RALGAPA1: variants seen among roughly 807,000 people sequenced by gnomAD.
RALGAPA1 encodes Ral GTPase activating protein catalytic subunit alpha 1.
Under a neutral mutation model 269.6 loss-of-function variants are expected in RALGAPA1, and 52 were observed. The ratio of observed to expected loss-of-function variants is 0.19; its 90% CI spans 0.15 to 0.24. The LOEUF is 0.24. Ranked by LOEUF, RALGAPA1 falls within the 10% of genes least tolerant of loss-of-function variation. The probability of loss-of-function intolerance (pLI) is 1.00; values close to 1 mark genes in which losing one functional copy is unlikely to be tolerated. For synonymous variants in RALGAPA1, 817 were observed against 1,008.3 expected, an observed-to-expected ratio of 0.81 and a Z score of 3.60; for missense variants, 1,917 against 3,013.9, an observed-to-expected ratio of 0.64 and a Z score of 8.52.
intron 9 of RALGAPA1, among the ~76,000 whole-genome samples, chr14:35,749,651 G>C (rs932537393): frequency 1.3e-5 from 2 of 152,078 alleles, no homozygotes; most frequent in Admixed American, 1.3e-4. Context: ...AGTTCTGCTT[G>C]AGAATTTTCG....
intron 16 of RALGAPA1, among the ~76,000 whole-genome samples, chr14:35,700,505 AT>A (rs1042764082): frequency 1.3e-5 from 2 of 152,142 alleles, no homozygotes; most frequent in Non-Finnish European, 2.9e-5. Context: ...TTTGAATATA[AT>A]TTTTTTATAT....
chr14:35,605,596 A>T lies in RALGAPA1; in HGVS notation c.7043T>A (p.Leu2348His). 6.2e-7 allele frequency: 1 copy of T among 1,601,396 alleles called. No individual in the cohort carries two copies. Among genetic ancestry groups the T allele is most frequent in the Non-Finnish European group, 8.5e-7 (1 of 1,176,368 alleles). Residue 2348 changes from leucine to histidine, a missense_variant, in exon 36 of 42, where the codon CTT becomes CAT. Physicochemically the swap from Leu to His is moderately conservative, Grantham distance 99. Coordinates refer to ENST00000680220, the MANE Select transcript of RALGAPA1 (RefSeq NM_001346249.2). ...SQAYEDFVAG[L>H]GWEVNLTNHC... ...ATTTAAAAATAATACCTCCCAACCA[A>T]GACCAGCTACAAAATCTTCATATGC...
intron 12 of RALGAPA1, among the ~76,000 whole-genome samples, chr14:35,734,999 G>A (rs1276986049): frequency 1.3e-5 from 2 of 150,160 alleles, no homozygotes; most frequent in South Asian, 2.1e-4. Flanking sequence ...ACCACAATGC[G>A]ATACCATCTG....
At chr14:35,590,053 T>C (rs1008448586) in intron 37 of RALGAPA1, among the ~76,000 whole-genome samples, 4 of 152,220 alleles carry the variant, frequency 2.6e-5, no homozygotes, top group African/African-American at 4.8e-5. Flanking sequence ...TTTATTTTCA[T>C]AGAGATTTAA....
At chr14:35,726,384 A>G (rs1307880779) in intron 13 of RALGAPA1, among the ~76,000 whole-genome samples, 1 of 152,246 alleles carries the variant, frequency 6.6e-6, no homozygotes, top group East Asian at 1.9e-4. Context: ...GCAATAAAGC[A>G]TAGATTTTCC....
chr14:35,794,537 A>C (rs1336973246), intron 1 of RALGAPA1, among the ~76,000 whole-genome samples: 1 of 152,016 alleles, frequency 6.6e-6, no homozygotes, highest in East Asian at 1.9e-4. Context: ...GCTCACTGCA[A>C]GCTCCGCCTC....
chr14:35,564,528 T>C (rs1199953900), intron 39 of RALGAPA1: 5 of 152,180 alleles, frequency 3.3e-5, no homozygotes, highest in South Asian at 2.1e-4. Flanking sequence ...CTGTAACTAA[T>C]TGAAGAATAA....
chr14:35,761,504 TAAAATGATTTAATTTAAATA>T lies in RALGAPA1; in HGVS notation c.370-518_370-499del, dbSNP rs552647941. Reference sequence around the variant, plus strand: ...TAAGTTACAATTAAATTATTAAAAATAAAATGATTTAATTTAAATAAAAATTATTTAAAACCTCTCTGCAA... The same window carrying T: ...TAAGTTACAATTAAATTATTAAAAATAAAATTATTTAAAACCTCTCTGCAA... On this transcript the variant is annotated intron_variant, in intron 5 of 41. Transcript: ENST00000680220. Among the ~76,000 whole-genome samples the T allele has an allele frequency of 4.2e-3, 640 of 152,206 alleles. 6 individuals are homozygous for T. Among genetic ancestry groups the T allele is most frequent in the Middle Eastern group, 0.031 (9 of 294 alleles).
intron 39 of RALGAPA1, among the ~76,000 whole-genome samples, chr14:35,564,206 T>C (rs1175104109): frequency 6.6e-6 from 1 of 152,208 alleles, no homozygotes; most frequent in Non-Finnish European, 1.5e-5. Flanking sequence ...AATTTGGTAC[T>C]ATTATCCTCT....
intron 36 of RALGAPA1, among the ~76,000 whole-genome samples, chr14:35,600,208 CCTTTTTTTTCTTTTT>C (rs1429579888): frequency 5.1e-5 from 7 of 138,466 alleles, no homozygotes; most frequent in Non-Finnish European, 7.7e-5. Context: ...CTTTTCTTTT[CCTTTTTTTTCTTTTT>C]CTTTTTTTCT....
At chr14:35,673,199 G>A (rs2064634132) in intron 24 of RALGAPA1, among the ~76,000 whole-genome samples, 177 bp from the exon 25 acceptor site, 1 of 152,154 alleles carries the variant, frequency 6.6e-6, no homozygotes, top group South Asian at 2.1e-4. Context: ...ATGATACAAT[G>A]TAGGTATAAC....
chr14:35,675,876 A>G (rs1193089971), intron 22 of RALGAPA1, among the ~76,000 whole-genome samples: 1 of 152,194 alleles, frequency 6.6e-6, no homozygotes, highest in African/African-American at 2.4e-5. Flanking sequence ...ATTCCAACAT[A>G]TTGAGAATTT....
chr14:35,781,670 G>T (rs1341833035), intron 1 of RALGAPA1, among the ~76,000 whole-genome samples: 1 of 151,800 alleles, frequency 6.6e-6, no homozygotes, highest in Non-Finnish European at 1.5e-5. Flanking sequence ...AGGCAAGGTT[G>T]GTTCAACATA....
At chr14:35,775,888 T>A (rs887912479) in intron 1 of RALGAPA1, 143 bp from the exon 2 acceptor site, 11 of 861,536 alleles carry the variant, frequency 1.3e-5, no homozygotes, top group Admixed American at 4.3e-5. Flanking sequence ...TATATTTCTA[T>A]GTCTATATCC....
At chr14:35,734,402 ATACT>A (rs1389650554) in intron 12 of RALGAPA1, among the ~76,000 whole-genome samples, 1 of 152,180 alleles carries the variant, frequency 6.6e-6, no homozygotes, top group Non-Finnish European at 1.5e-5. Context: ...ATAAACCCAA[ATACT>A]TACAGCCAAC....
intron 35 of RALGAPA1, among the ~76,000 whole-genome samples, chr14:35,615,748 T>C (rs1166298934): frequency 2.0e-5 from 3 of 152,092 alleles, no homozygotes; most frequent in African/African-American, 7.2e-5. Context: ...AAGGTATGTA[T>C]GAGAACGGAG....
At chr14:35,720,949 G>A (rs541826299) in intron 16 of RALGAPA1, among the ~76,000 whole-genome samples, 1 of 152,148 alleles carries the variant, frequency 6.6e-6, no homozygotes, top group Non-Finnish European at 1.5e-5. Context: ...TTGGTAGACT[G>A]TCCAAGGTTA....
At chr14:35,758,468 C>T (rs946249027) in intron 6 of RALGAPA1, among the ~76,000 whole-genome samples, 6 of 152,080 alleles carry the variant, frequency 3.9e-5, no homozygotes, top group East Asian at 1.9e-4. Context: ...ATATTTTCCA[C>T]ATCTTACAGA....
chr14:35,663,587 A>AT (rs371523411), intron 27 of RALGAPA1, among the ~76,000 whole-genome samples: 10,743 of 132,282 alleles, frequency 0.081, 1,255 homozygotes, highest in African/African-American at 0.24. Flanking sequence ...ACCCTTGGGA[A>AT]TTTTTTTTTT....
Sources: gnomAD v4.1 joint callset for allele counts (sites outside exome capture counted in the v4.1 genomes callset) on GRCh38, gnomAD v4.1.1 for gene constraint, MANE v1.5 for transcripts, NCBI Gene and HGNC (gene_info 2026-07-23, HGNC 2026-07-21) for gene names.